DNAAF11: variants seen among roughly 807,000 people sequenced by gnomAD.
The protein encoded by DNAAF11 is dynein axonemal assembly factor 11.
DNAAF11 carries 45 observed loss-of-function variants against 60.8 expected under a neutral mutation model. That is an observed-to-expected ratio of 0.74 (90% CI 0.58 to 0.95). The LOEUF is 0.95. DNAAF11 is among the 40% of genes least tolerant of loss of function. The pLI, the probability that DNAAF11 is intolerant of heterozygous loss-of-function variation, is 0.00. For missense variants in DNAAF11, 546 were observed against 546.2 expected (o/e 1.00, Z 0.00); for synonymous variants, 191 against 183.5 (o/e 1.04, Z -0.33).
the DNAAF11 span, among the ~76,000 whole-genome samples, chr8:132,694,417 A>T: frequency 4.6e-5 from 7 of 152,286 alleles, no homozygotes; most frequent in Admixed American, 3.3e-4. Context: ...TGCAGGGAGA[A>T]GATGGCCATC....
chr8:132,574,353 A>G (rs1271883814), intron 11 of DNAAF11, among the ~76,000 whole-genome samples: 1 of 152,170 alleles, frequency 6.6e-6, no homozygotes, highest in Non-Finnish European at 1.5e-5. Context: ...AGGGTAGCTC[A>G]CTGTGCCTTG....
the DNAAF11 span, among the ~76,000 whole-genome samples, chr8:132,697,948 A>G: frequency 6.6e-6 from 1 of 152,188 alleles, no homozygotes; most frequent in Non-Finnish European, 1.5e-5. Flanking sequence ...AATGGGACAG[A>G]AAATATTAAT....
chr8:132,680,973 C>G, the DNAAF11 span, among the ~76,000 whole-genome samples: 1 of 135,214 alleles, frequency 7.4e-6, no homozygotes, highest in Admixed American at 7.4e-5. Context: ...TGGCAAAAAC[C>G]GCAATTAGTT....
At chr8:132,587,963 C>T (rs531054099) in intron 10 of DNAAF11, among the ~76,000 whole-genome samples, 4 of 152,142 alleles carry the variant, frequency 2.6e-5, no homozygotes, top group Non-Finnish European at 4.4e-5. Flanking sequence ...CATTACATTC[C>T]GAGGCAGCAC....
chr8:132,600,763 A>G (rs914130819), intron 10 of DNAAF11, among the ~76,000 whole-genome samples: 2 of 152,224 alleles, frequency 1.3e-5, no homozygotes, highest in African/African-American at 4.8e-5. Context: ...CACCTTAACA[A>G]AAATTAATTC....
intron 1 of DNAAF11, among the ~76,000 whole-genome samples, chr8:132,666,401 T>C (rs1012617039): frequency 6.6e-6 from 1 of 152,168 alleles, no homozygotes. Context: ...ATGTATCCCA[T>C]AAATATGTAC....
chr8:132,656,472 C>CT (rs1345805188), intron 3 of DNAAF11, among the ~76,000 whole-genome samples: 6 of 152,012 alleles, frequency 3.9e-5, no homozygotes, highest in Admixed American at 2.0e-4. Context: ...TTAAATCTAA[C>CT]TTTTTTCTTT....
chr8:132,638,693 A>G (rs1821554640), intron 3 of DNAAF11, among the ~76,000 whole-genome samples: 1 of 152,198 alleles, frequency 6.6e-6, no homozygotes, highest in Admixed American at 6.5e-5. Flanking sequence ...AGTGAAGAAT[A>G]AGACGTTTTG....
intron 4 of DNAAF11, among the ~76,000 whole-genome samples, chr8:132,634,940 T>TTG (rs998188188): frequency 2.3e-4 from 35 of 151,472 alleles, no homozygotes; most frequent in African/African-American, 8.1e-4. Flanking sequence ...AGTACATTAA[T>TTG]TGATTGATTG....
intron 1 of DNAAF11, 28 bp downstream of exon 1, chr8:132,675,456 C>T (rs756827482): frequency 6.4e-6 from 10 of 1,560,402 alleles, no homozygotes; most frequent in Non-Finnish European, 8.7e-6. Flanking sequence ...GGGGAACGAT[C>T]GAGGACGGAA....
chr8:132,587,648 G>C lies in DNAAF11; in HGVS notation c.1141-3869C>G, dbSNP rs139643083. Among the ~76,000 whole-genome samples, 378 of 152,304 alleles carry C rather than the reference G, an allele frequency of 2.5e-3. 1 individual carries two copies. Among genetic ancestry groups the C allele is most frequent in the Non-Finnish European group, 4.4e-3 (301 of 68,024 alleles). ...GTGTTTAGGAATGACTAATGGAAAA[G>C]TTGTAAGGGCCAAAATATGCTTAGT... On this transcript the variant is annotated intron_variant, in intron 10 of 11. Coordinates refer to ENST00000620350, the MANE Select transcript of DNAAF11 (RefSeq NM_012472.6).
intron 9 of DNAAF11, among the ~76,000 whole-genome samples, 182 bp downstream of exon 9, chr8:132,611,112 T>A (rs1384191123): frequency 6.6e-6 from 1 of 152,202 alleles, no homozygotes; most frequent in East Asian, 1.9e-4. Context: ...CAGACTGGTC[T>A]CCAGCTCCTG....
chr8:132,678,675 G>A (rs368725342), upstream of DNAAF11, among the ~76,000 whole-genome samples: 2 of 151,924 alleles, frequency 1.3e-5, no homozygotes, highest in Non-Finnish European at 2.9e-5. Context: ...GTGAGCTACC[G>A]TGACTGGTGC....
intron 1 of DNAAF11, among the ~76,000 whole-genome samples, chr8:132,674,097 C>CAGGAGGAGG (rs1489234047): frequency 2.7e-5 from 1 of 37,256 alleles, no homozygotes; most frequent in Non-Finnish European, 5.8e-5. Flanking sequence ...GGAGGAGGAG[C>CAGGAGGAGG]AGGAGGAGGA....
chr8:132,604,977 T>C (rs1489615683), intron 10 of DNAAF11, among the ~76,000 whole-genome samples: 2 of 152,114 alleles, frequency 1.3e-5, no homozygotes, highest in Non-Finnish European at 2.9e-5. Context: ...AATGCAATCT[T>C]AATAATTATA....
At chr8:132,648,719 GACA>G (rs1822671838) in intron 3 of DNAAF11, among the ~76,000 whole-genome samples, 2 of 152,084 alleles carry the variant, frequency 1.3e-5, no homozygotes, top group Middle Eastern at 3.2e-3. Context: ...ACCAATAACA[GACA>G]AACAGAGAGC....
At position 132,572,373 on chromosome 8, in the gene DNAAF11, G is replaced by C. The variant is rs1006342356; in HGVS notation, c.1334C>G (p.Pro445Arg). 2.5e-6 allele frequency: 4 copies of C among 1,613,826 alleles called. No individual in the cohort carries two copies. The highest frequency in any genetic ancestry group is 2.7e-5 in the African/African-American group (2 of 74,886). The stretch of plus-strand genomic sequence containing the variant: ...GTCTTCCTCACTTGGTATAATTTTG[G>C]GTTCAGGTCGTCTTCTGGGTGTGTG... ...KKHTPRRRPE[P>R]KIIPSEEDPT... The change falls in exon 12 of 12, where the codon CCC becomes CGC. Residue 445 changes from proline to arginine, a missense_variant. Transcript: ENST00000620350.
chr8:132,695,365 T>C, the DNAAF11 span, among the ~76,000 whole-genome samples: 2 of 152,094 alleles, frequency 1.3e-5, no homozygotes, highest in African/African-American at 4.8e-5. Flanking sequence ...GGAGCAATTT[T>C]TATAAGTAGA....
At chr8:132,645,316 C>A (rs917710846) in intron 3 of DNAAF11, among the ~76,000 whole-genome samples, 6 of 152,120 alleles carry the variant, frequency 3.9e-5, no homozygotes, top group African/African-American at 1.4e-4. Context: ...GACATCCACA[C>A]CAAAACCCCA....
Sources: allele counts gnomAD v4.1 joint callset (sites outside exome capture counted in the v4.1 genomes callset), GRCh38; gene constraint gnomAD v4.1.1; transcripts MANE v1.5; gene names NCBI Gene and HGNC (gene_info 2026-07-23, HGNC 2026-07-21).